TRMT9B: variants seen among roughly 807,000 people sequenced by gnomAD.
TRMT9B encodes tRNA methyltransferase 9B (putative).
TRMT9B carries 16 observed loss-of-function variants against 11.5 expected under a neutral mutation model. The observed-to-expected ratio is 1.39, with a 90% confidence interval of 0.94 to 2.11. TRMT9B has a LOEUF of 2.11. TRMT9B is among the 30% of genes most tolerant of loss of function. The pLI is 0.00. For missense variants in TRMT9B, 941 were observed against 553.8 expected (o/e 1.70, Z -7.02); for synonymous variants, 274 against 192.4 (o/e 1.42, Z -3.51).
chr8:12,957,792 G>T (rs968589315), intron 1 of TRMT9B, among the ~76,000 whole-genome samples: 12 of 152,154 alleles, frequency 7.9e-5, no homozygotes, highest in Admixed American at 6.5e-4. Context: ...TTTGTATTTT[G>T]CATAGAATGA....
chr8:12,983,882 A>AT (rs1351797284), intron 1 of TRMT9B, among the ~76,000 whole-genome samples: 1 of 152,146 alleles, frequency 6.6e-6, no homozygotes, highest in Non-Finnish European at 1.5e-5. Context: ...CAGGTATCTC[A>AT]TGTTGTGCTG....
intron 2 of TRMT9B, among the ~76,000 whole-genome samples, chr8:13,005,524 C>G (rs912552430): frequency 2.0e-5 from 3 of 152,104 alleles, no homozygotes; most frequent in Admixed American, 1.3e-4. Flanking sequence ...ATGCCTGTAT[C>G]AAAACATCTC....
chr8:13,029,030 G>A lies in TRMT9B; in HGVS notation c.*6986G>A, dbSNP rs908848754. ...TTTATATGCTCTCTTAAATATGTAT[G>A]TCTGTAAATATATATATAACACACA... On this transcript the variant is annotated 3_prime_UTR_variant, in exon 5 of 5. Transcript: ENST00000524591. 5 of 166,696 alleles carry A rather than the reference G, an allele frequency of 3.0e-5. No homozygotes were observed. Among genetic ancestry groups the A allele is most frequent in the Admixed American group, 1.3e-4 (2 of 15,254 alleles). 10.3% of individuals were successfully genotyped at this position (166,696 alleles called of 1,614,324 possible). A position where few individuals can be genotyped will look rare whatever the true frequency, so the allele number is the denominator to read the frequency against.
chr8:12,999,110 C>T (rs556840528), intron 2 of TRMT9B, among the ~76,000 whole-genome samples: 4 of 151,968 alleles, frequency 2.6e-5, no homozygotes, highest in African/African-American at 9.7e-5. Context: ...ACCAGCCTAA[C>T]CAACAGGGTG....
chr8:13,004,361 C>T (rs1810020287), intron 2 of TRMT9B, among the ~76,000 whole-genome samples: 1 of 151,792 alleles, frequency 6.6e-6, no homozygotes, highest in Non-Finnish European at 1.5e-5. Flanking sequence ...GCTTGCACCA[C>T]CCCGCTCCCA....
chr8:13,006,038 G>A (rs1275854300), intron 2 of TRMT9B, among the ~76,000 whole-genome samples, 164 bp from the exon 3 acceptor site: 1 of 152,170 alleles, frequency 6.6e-6, no homozygotes, highest in Non-Finnish European at 1.5e-5. Context: ...CTACTATGGC[G>A]AGGTTATAGT....
chr8:12,983,840 G>C (rs2947372), intron 1 of TRMT9B, among the ~76,000 whole-genome samples: 15,420 of 152,138 alleles, frequency 0.1, 967 homozygotes, highest in African/African-American at 0.17. Context: ...GACAGAAAGC[G>C]TGCTCTTATT....
At chr8:12,949,255 A>T (rs1371269584) in intron 1 of TRMT9B, among the ~76,000 whole-genome samples, 1 of 152,106 alleles carries the variant, frequency 6.6e-6, no homozygotes, top group African/African-American at 2.4e-5. Context: ...AAATCCACTG[A>T]AATTTTAAAA....
At chr8:12,965,460 C>T (rs928973224) in intron 1 of TRMT9B, among the ~76,000 whole-genome samples, 1 of 152,116 alleles carries the variant, frequency 6.6e-6, no homozygotes, top group Non-Finnish European at 1.5e-5. Flanking sequence ...GCCAGCCTTC[C>T]CCAGCATCCG....
chr8:13,018,108 A>AG (rs1442755334), intron 4 of TRMT9B, among the ~76,000 whole-genome samples: 1 of 150,888 alleles, frequency 6.6e-6, no homozygotes, highest in Non-Finnish European at 1.5e-5. Flanking sequence ...TAAAAAAAAA[A>AG]AAAAAAAACT....
chr8:12,961,807 C>G (rs1254398438), intron 1 of TRMT9B: 1 of 151,740 alleles, frequency 6.6e-6, no homozygotes, highest in African/African-American at 2.4e-5. Flanking sequence ...ATTAACAAAA[C>G]AGAGCAGCTC....
At chr8:13,011,083 T>A in intron 3 of TRMT9B, 1 of 399,724 alleles carries the variant, frequency 2.5e-6, no homozygotes, top group Non-Finnish European at 3.4e-6. Flanking sequence ...CTCCTGAATT[T>A]AAGTGATTTT....
chr8:13,012,305 A>G (rs979595633), intron 3 of TRMT9B: 1 of 986,118 alleles, frequency 1.0e-6, no homozygotes, highest in Non-Finnish European at 1.2e-6. Context: ...GGCCAGGCAC[A>G]GTGGCTTGCA....
At chr8:12,971,817 G>A (rs1427293118) in intron 1 of TRMT9B, among the ~76,000 whole-genome samples, 1 of 152,074 alleles carries the variant, frequency 6.6e-6, no homozygotes, top group African/African-American at 2.4e-5. Flanking sequence ...TGCTTTTTTA[G>A]TGTTTAAATA....
intron 4 of TRMT9B, among the ~76,000 whole-genome samples, chr8:13,015,369 G>A (rs865970830): frequency 1.6e-4 from 25 of 152,038 alleles, no homozygotes; most frequent in African/African-American, 4.8e-4. Context: ...CAGGTTTAGC[G>A]TAAAGTGAGA....
At chr8:12,983,634 C>T (rs1446784719) in intron 1 of TRMT9B, among the ~76,000 whole-genome samples, 2 of 152,174 alleles carry the variant, frequency 1.3e-5, no homozygotes, top group South Asian at 4.1e-4. Context: ...GGTGTCACTG[C>T]ACTCTAGCCT....
chr8:12,990,612 A>T (rs918734643), intron 1 of TRMT9B, among the ~76,000 whole-genome samples: 5 of 152,220 alleles, frequency 3.3e-5, no homozygotes, highest in Non-Finnish European at 5.9e-5. Flanking sequence ...TAATTTTAGG[A>T]GAAAGTATTG....
intron 1 of TRMT9B, among the ~76,000 whole-genome samples, chr8:12,950,307 C>T (rs139903518): frequency 1.4e-3 from 207 of 152,242 alleles, no homozygotes; most frequent in African/African-American, 4.9e-3. Context: ...AATCACTGGA[C>T]GAGTATTTAT....
chr8:12,972,308 C>A (rs1303569163), intron 1 of TRMT9B, among the ~76,000 whole-genome samples: 1 of 152,102 alleles, frequency 6.6e-6, no homozygotes, highest in Non-Finnish European at 1.5e-5. Context: ...CGGGGCTGGC[C>A]GGCTGGTGCG....
Sources: gnomAD v4.1 joint callset for allele counts (sites outside exome capture counted in the v4.1 genomes callset) on GRCh38, gnomAD v4.1.1 for gene constraint, MANE v1.5 for transcripts, NCBI Gene and HGNC (gene_info 2026-07-23, HGNC 2026-07-21) for gene names.